Variants in POLR1A observed in about 807,000 individuals in gnomAD.
POLR1A encodes the protein DNA-directed RNA polymerase I subunit RPA1.
Under a neutral mutation model 205.3 loss-of-function variants are expected in POLR1A, and 84 were observed. The observed-to-expected ratio is 0.41, with a 90% CI of 0.34 to 0.49. POLR1A has a LOEUF of 0.49. POLR1A is among the 20% of genes least tolerant of loss of function. The pLI is 0.22. For missense variants in POLR1A, 1,645 were observed against 2,204.5 expected (o/e 0.75, Z 5.08); for synonymous variants, 799 against 863.7 (o/e 0.93, Z 1.31).
intron 21 of POLR1A, 111 bp downstream of exon 21, chr2:86,045,167 A>G (rs1171979092): frequency 1.4e-6 from 1 of 740,554 alleles, no homozygotes; most frequent in Non-Finnish European, 2.3e-6. Context: ...GAAACTTTCC[A>G]AAAGTTTTTT....
Position 86,070,812 on chromosome 2 carries a change from A to G in POLR1A, c.1612-540T>C, listed in dbSNP as rs548589676. Among the ~76,000 whole-genome samples the G allele has an allele frequency of 6.6e-6, 1 of 152,238 alleles. No individual in the cohort carries two copies. Among genetic ancestry groups the G allele is most frequent in the South Asian group, 2.1e-4 (1 of 4,826 alleles). On this transcript the variant is annotated intron_variant, in intron 12 of 33. Coordinates refer to ENST00000263857, the MANE Select transcript of POLR1A (RefSeq NM_015425.6). This position sits in a 1 kb window ranked among gnomAD's most constrained non-coding sequence, Gnocchi z 4.4. ...CAGAAAAGGGTTCTTAGTTAGTTCA[A>G]TGCCCTCAGAGAACACTTTATTGCA...
At chr2:86,100,874 T>C (rs1257762297) in intron 1 of POLR1A, among the ~76,000 whole-genome samples, 1 of 152,082 alleles carries the variant, frequency 6.6e-6, no homozygotes, top group African/African-American at 2.4e-5. Flanking sequence ...TCCTCTGAAA[T>C]ACTCATCACT....
rs776656729 is a variant in POLR1A, at chr2:86,049,173, T to G, written c.2462A>C (p.His821Pro). The G allele has an allele frequency of 8.1e-6, 13 of 1,613,456 alleles. No homozygotes were observed. Among genetic ancestry groups the G allele is most frequent in the Non-Finnish European group, 1.1e-5 (13 of 1,179,558 alleles). The part of the protein sequence containing the change: ...KRQRIIEEST[H>P]CGPQAVRAAL... ...GTCCCTCCTTACCTGGGGCCCGCAG[T>G]GGGTGGATTCTTCAATGATACGTTG... The change falls in exon 17 of 34, where the codon CAC (histidine) becomes CCC (proline). Residue 821 changes from histidine to proline, a missense_variant. By Grantham distance (77) the His-to-Pro change is moderately conservative. Around this residue, in one of 16 missense-constraint regions of POLR1A, gnomAD observed 339 missense variants for 415.1 expected, o/e 0.82. Coordinates refer to ENST00000263857, the MANE Select transcript of POLR1A (RefSeq NM_015425.6).
intron 11 of POLR1A, among the ~76,000 whole-genome samples, chr2:86,077,196 G>A (rs560848527): frequency 1.3e-5 from 2 of 152,272 alleles, no homozygotes; most frequent in Admixed American, 6.5e-5. Context: ...CATAGAGGCC[G>A]GCCCATTAAG....
intron 3 of POLR1A, among the ~76,000 whole-genome samples, chr2:86,096,264 C>T (rs556739227): frequency 2.0e-5 from 3 of 152,014 alleles, no homozygotes; most frequent in African/African-American, 7.2e-5. Context: ...AAAACAGTGA[C>T]GAAAGAAACT....
intron 9 of POLR1A, among the ~76,000 whole-genome samples, chr2:86,078,867 T>C (rs964000323): frequency 6.6e-6 from 1 of 152,218 alleles, no homozygotes; most frequent in African/African-American, 2.4e-5. Context: ...TAACCAATCC[T>C]TTTTTAATAT....
In POLR1A at chr2:86,021,306, C is replaced by T. The variant is rs979003547; in HGVS notation, c.*6117G>A. The T allele has an allele frequency of 1.3e-5, 2 of 152,034 alleles. No individual in the cohort carries two copies. The highest frequency in any genetic ancestry group is 2.4e-5 in the African/African-American group (1 of 41,176). The allele number at this position is 152,034 out of a possible 1,614,324, so 9.4% of individuals were successfully genotyped here. A position where few individuals can be genotyped will look rare whatever the true frequency, so the allele number is the denominator to read the frequency against. On this transcript the variant is annotated 3_prime_UTR_variant, in exon 34 of 34. Coordinates refer to ENST00000263857, the MANE Select transcript of POLR1A (RefSeq NM_015425.6). Reference sequence around the variant, plus strand: ...TCCAGGCCTTCTGAGTAAGGAAGACCCCAGCTTGCAAAAGACATAGAGGCA... The same window carrying T: ...TCCAGGCCTTCTGAGTAAGGAAGACTCCAGCTTGCAAAAGACATAGAGGCA...
chr2:86,086,204 G>T (rs542035389), intron 6 of POLR1A, among the ~76,000 whole-genome samples: 1 of 152,060 alleles, frequency 6.6e-6, no homozygotes, highest in Non-Finnish European at 1.5e-5. Context: ...GATTACAGGC[G>T]TGCGCCACCA....
intron 2 of POLR1A, 47 bp from the exon 3 acceptor site, chr2:86,098,807 G>A (rs766006293): frequency 6.3e-7 from 1 of 1,588,194 alleles, no homozygotes; most frequent in South Asian, 1.1e-5. Context: ...AAGAGACACA[G>A]TAGCCATGGT....
At chr2:86,097,530 G>C (rs1673727863) in intron 3 of POLR1A, among the ~76,000 whole-genome samples, 1 of 152,126 alleles carries the variant, frequency 6.6e-6, no homozygotes, top group Non-Finnish European at 1.5e-5. Flanking sequence ...AGCAAATGTG[G>C]TATATATACA....
chr2:86,059,575 AT>A (rs1199534718), intron 14 of POLR1A, among the ~76,000 whole-genome samples: 2 of 151,826 alleles, frequency 1.3e-5, no homozygotes, highest in Non-Finnish European at 2.9e-5. Flanking sequence ...TATTTCTTTT[AT>A]TTTTTTTGAA....
chr2:86,081,005 A>G lies in POLR1A; in HGVS notation c.924-27T>C, dbSNP rs761443057. Reference sequence around the variant, plus strand: ...TGCAGGGGGACATACGGAATAAATGAATGTTTAGTGTGAGGAAAGGGTCAT... The same window carrying G: ...TGCAGGGGGACATACGGAATAAATGGATGTTTAGTGTGAGGAAAGGGTCAT... On this transcript the variant is annotated intron_variant, in intron 8 of 33. Coordinates refer to ENST00000263857, the MANE Select transcript of POLR1A (RefSeq NM_015425.6). The G allele has an allele frequency of 3.8e-6, 6 of 1,591,234 alleles. No individual in the cohort carries two copies. The East Asian group carries it at 1.3e-4, about 36-fold the overall frequency.
chr2:86,041,149 C>CTGTGTGTGTG (rs756415592), intron 24 of POLR1A, among the ~76,000 whole-genome samples: 168 of 122,348 alleles, frequency 1.4e-3, no homozygotes, highest in East Asian at 1.9e-3. Flanking sequence ...CTGAGCTACA[C>CTGTGTGTGTG]TGTGTGTGTG....
chr2:86,067,074 A>G (rs1673094892), intron 13 of POLR1A, among the ~76,000 whole-genome samples: 2 of 152,072 alleles, frequency 1.3e-5, no homozygotes, highest in South Asian at 4.1e-4. Context: ...CTCTGTCCAG[A>G]TTTTTCCATG....
chr2:86,061,819 C>T (rs2104405781), intron 14 of POLR1A, among the ~76,000 whole-genome samples: 1 of 44,394 alleles, frequency 2.3e-5, no homozygotes, highest in South Asian at 8.0e-4. Flanking sequence ...TTAGTAATTA[C>T]CTTTGACGAG....
chr2:86,100,279 T>G, intron 1 of POLR1A, 107 bp from the exon 2 acceptor site: 1 of 832,670 alleles, frequency 1.2e-6, no homozygotes. Flanking sequence ...GCCTGCTTGA[T>G]AGCTCTGGAG....
chr2:86,044,476 G>C (rs994996275), intron 21 of POLR1A, 172 bp from the exon 22 acceptor site: 1 of 648,306 alleles, frequency 1.5e-6, no homozygotes, highest in Non-Finnish European at 2.6e-6. Flanking sequence ...TTGCTCCAGT[G>C]TCCCCCAGCC....
intron 1 of POLR1A, 22 bp downstream of exon 1, chr2:86,105,678 C>A (rs377480184): frequency 5.2e-5 from 81 of 1,558,294 alleles, no homozygotes; most frequent in Non-Finnish European, 6.6e-5. Flanking sequence ...AGGCTGGGCA[C>A]GCTACCCGAC....
intron 7 of POLR1A, among the ~76,000 whole-genome samples, 169 bp from the exon 8 acceptor site, chr2:86,081,875 A>G (rs1263658623): frequency 3.3e-5 from 5 of 152,226 alleles, no homozygotes; most frequent in African/African-American, 9.6e-5. Flanking sequence ...CCTGTCGCCC[A>G]GGCTGCTGTG....
Sources: gnomAD v4.1 joint callset for allele counts (sites outside exome capture counted in the v4.1 genomes callset) on GRCh38, gnomAD v4.1.1 for gene constraint, gnomAD v4.1.1 regional missense constraint, Gnocchi (gnomAD v3.1) non-coding constraint, MANE v1.5 for transcripts, NCBI Gene and HGNC (gene_info 2026-07-23, HGNC 2026-07-21) for gene names.